The following DSCAM variants were observed in gnomAD, a reference collection of about 807,000 sequenced individuals.
DSCAM encodes the protein DS cell adhesion molecule, also known as cell adhesion molecule DSCAM.
A neutral mutation model predicts 217.7 loss-of-function variants in DSCAM; 47 were observed. The ratio of observed to expected loss-of-function variants is 0.22; its 90% CI spans 0.17 to 0.28. The LOEUF (loss-of-function observed/expected upper bound fraction) is 0.28. DSCAM is among the 10% of genes least tolerant of loss of function. The pLI is 1.00. For synonymous variants in DSCAM, 1,056 were observed against 1,015.3 expected, an observed-to-expected ratio of 1.04 and a Z score of -0.76; for missense variants, 2,080 against 2,618.3, an observed-to-expected ratio of 0.79 and a Z score of 4.49.
Position 40,061,188 on chromosome 21 carries a change from CA to C in DSCAM, c.4919+1680del, listed in dbSNP as rs569797650. On this transcript the variant is annotated intron_variant, in intron 28 of 32. Coordinates refer to ENST00000400454, the MANE Select transcript of DSCAM (RefSeq NM_001389.5). The stretch of plus-strand genomic sequence containing the variant: ...CAATACCTCCTCCCAACCTACCTTC[CA>C]AAAAAATCAAAAGTCCATAGCCTGC... 3.3e-3 allele frequency among the ~76,000 whole-genome samples: 504 copies of C among 152,178 alleles called. 5 individuals carry two copies. Among genetic ancestry groups the C allele is most frequent in the African/African-American group, 0.012 (485 of 41,526 alleles).
chr21:40,557,750 T>C (rs2146175397), intron 3 of DSCAM, among the ~76,000 whole-genome samples: 2 of 152,302 alleles, frequency 1.3e-5, no homozygotes, highest in South Asian at 4.1e-4. Context: ...TCTTAAACTT[T>C]CCAGCCATCA....
chr21:40,739,266 T>G (rs1170717305), intron 1 of DSCAM, among the ~76,000 whole-genome samples: 1 of 152,062 alleles, frequency 6.6e-6, no homozygotes, highest in Non-Finnish European at 1.5e-5. Context: ...GTGGGGGCCA[T>G]GCCCTTGAGG....
chr21:40,339,242 C>T lies in DSCAM; in HGVS notation c.1384G>A (p.Glu462Lys), dbSNP rs572529984. ...SHRISQMITS[E>K]GNVVSYLNIS... ...TTCAGGTAGCTGACCACGTTCCCCT[C>T]CGACGTGATCATCTGGCTGATGCGG... Residue 462 changes from glutamate (E) to lysine (K), a missense_variant, in exon 7 of 33, where the codon GAG (glutamate) becomes AAG (lysine). Coordinates refer to ENST00000400454, the MANE Select transcript of DSCAM (RefSeq NM_001389.5). 7 of 1,614,196 alleles carry T rather than the reference C, an allele frequency of 4.3e-6. No individual in the cohort carries two copies. In the South Asian group the frequency reaches 5.5e-5, roughly 13 times the overall value.
At chr21:40,752,513 G>A (rs1054553713) in intron 1 of DSCAM, among the ~76,000 whole-genome samples, 1 of 152,170 alleles carries the variant, frequency 6.6e-6, no homozygotes, top group Admixed American at 6.6e-5. Context: ...GATAAAATAT[G>A]CAGTTATTTA....
At position 40,144,840 on chromosome 21, in the gene DSCAM, C is replaced by G. The variant is rs1421133354; in HGVS notation, c.3019-109G>C. On this transcript the variant is annotated intron_variant, in intron 16 of 32. Coordinates refer to ENST00000400454, the MANE Select transcript of DSCAM (RefSeq NM_001389.5). The surrounding 1 kb of genome is among the most constrained non-coding windows in gnomAD (Gnocchi z 4.8). ...CAGAAATAAAGTGGAGTCATCGCCA[C>G]GATGCTGGGGCGGTGGTCCGGTAGC... 1.5e-5 allele frequency: 23 copies of G among 1,486,822 alleles called. No individual in the cohort carries two copies. Among genetic ancestry groups the G allele is most frequent in the East Asian group, 2.4e-5 (1 of 42,218 alleles). The allele number at this position is 1,486,822 out of a possible 1,614,324, so 92.1% of individuals were successfully genotyped here.
intron 6 of DSCAM, among the ~76,000 whole-genome samples, chr21:40,341,535 A>C (rs7279262): frequency 0.75 from 114,761 of 152,056 alleles, 43,846 homozygotes; most frequent in African/African-American, 0.87. Flanking sequence ...GAGTAACCAC[A>C]AAAACGATCA....
At chr21:40,215,486 A>T (rs548689487) in intron 11 of DSCAM, among the ~76,000 whole-genome samples, 31 of 152,028 alleles carry the variant, frequency 2.0e-4, no homozygotes, top group African/African-American at 6.5e-4. Context: ...CATAAAAAAA[A>T]ATATAATGAC....
At chr21:40,405,317 C>T (rs1476137104) in intron 3 of DSCAM, among the ~76,000 whole-genome samples, 1 of 152,154 alleles carries the variant, frequency 6.6e-6, no homozygotes, top group Non-Finnish European at 1.5e-5. Flanking sequence ...TCTATGCATG[C>T]ACTTAGGAGT....
At chr21:40,354,601 G>T (rs992075134) in intron 4 of DSCAM, among the ~76,000 whole-genome samples, 1 of 152,036 alleles carries the variant, frequency 6.6e-6, no homozygotes, top group Non-Finnish European at 1.5e-5. Context: ...TGTAATCCCA[G>T]CACTTTGGGA....
At chr21:40,420,888 T>C (rs1341525954) in intron 3 of DSCAM, among the ~76,000 whole-genome samples, 1 of 152,190 alleles carries the variant, frequency 6.6e-6, no homozygotes, top group Non-Finnish European at 1.5e-5. Flanking sequence ...ACCCTGCTGA[T>C]ACCTTGATCT....
At chr21:40,438,432 G>A (rs917812517) in intron 3 of DSCAM, among the ~76,000 whole-genome samples, 6 of 152,022 alleles carry the variant, frequency 3.9e-5, no homozygotes, top group African/African-American at 1.4e-4. Context: ...GGTAAGTGAA[G>A]GAGTTAAATA....
At chr21:40,671,692 C>CA (rs71330402) in intron 3 of DSCAM, among the ~76,000 whole-genome samples, 27,232 of 109,086 alleles carry the variant, frequency 0.25, 4,032 homozygotes, top group Admixed American at 0.4. Flanking sequence ...ATTCCTTAAA[C>CA]AAAAAAAAAA....
At chr21:40,362,790 T>C (rs1459717731) in intron 4 of DSCAM, among the ~76,000 whole-genome samples, 1 of 152,194 alleles carries the variant, frequency 6.6e-6, no homozygotes, top group East Asian at 1.9e-4. Context: ...CTTCTTTCTT[T>C]CTTTATATGA....
chr21:40,272,329 A>G (rs1435487758), intron 11 of DSCAM, among the ~76,000 whole-genome samples: 1 of 152,198 alleles, frequency 6.6e-6, no homozygotes, highest in East Asian at 1.9e-4. Flanking sequence ...ATGACAGTGT[A>G]GACTCACAGA....
At chr21:40,200,474 T>C (rs982891551) in intron 11 of DSCAM, among the ~76,000 whole-genome samples, 1 of 152,252 alleles carries the variant, frequency 6.6e-6, no homozygotes, top group Admixed American at 6.5e-5. Flanking sequence ...GTAGCCTGTG[T>C]CTGAATTTCC....
intron 3 of DSCAM, among the ~76,000 whole-genome samples, chr21:40,444,769 G>A (rs1323936459): frequency 6.6e-6 from 1 of 152,110 alleles, no homozygotes; most frequent in African/African-American, 2.4e-5. Context: ...GTCTTCTGAT[G>A]CTCAGTGACT....
intron 1 of DSCAM, among the ~76,000 whole-genome samples, chr21:40,827,594 T>C (rs893001870): frequency 6.6e-6 from 1 of 151,122 alleles, no homozygotes; most frequent in African/African-American, 2.4e-5. Context: ...ACCTGATCAG[T>C]GTGTGTTCAA....
At chr21:40,821,360 T>C (rs2091925432) in intron 1 of DSCAM, among the ~76,000 whole-genome samples, 1 of 151,546 alleles carries the variant, frequency 6.6e-6, no homozygotes, top group Non-Finnish European at 1.5e-5. Flanking sequence ...TCTAGATTTA[T>C]GTGCATGCAT....
intron 8 of DSCAM, among the ~76,000 whole-genome samples, chr21:40,316,434 A>G (rs1293679660): frequency 1.3e-5 from 2 of 152,188 alleles, no homozygotes; most frequent in Admixed American, 6.5e-5. Flanking sequence ...TAAGCCTTAT[A>G]TTTTATATTC....
Sources: gnomAD v4.1 joint callset for allele counts (sites outside exome capture counted in the v4.1 genomes callset) on GRCh38, gnomAD v4.1.1 for gene constraint, Gnocchi (gnomAD v3.1) non-coding constraint, MANE v1.5 for transcripts, NCBI Gene and HGNC (gene_info 2026-07-23, HGNC 2026-07-21) for gene names.